The following PMFBP1 variants were observed in gnomAD, a reference collection of about 807,000 sequenced individuals.
The protein encoded by PMFBP1 is polyamine-modulated factor 1-binding protein 1.
A neutral mutation model predicts 137.8 loss-of-function variants in PMFBP1; 131 were observed. The observed-to-expected ratio is 0.95, with a 90% CI of 0.82 to 1.10. The LOEUF is 1.10. PMFBP1 is among the 50% of genes least tolerant of loss of function. PMFBP1 has a pLI of 0.00. For missense variants in PMFBP1, 1,199 were observed against 1,175.4 expected (o/e 1.02, Z -0.29); for synonymous variants, 490 against 450.4 (o/e 1.09, Z -1.11).
chr16:72,227,709 C>T, the PMFBP1 span, among the ~76,000 whole-genome samples: 1 of 152,132 alleles, frequency 6.6e-6, no homozygotes, highest in Non-Finnish European at 1.5e-5. Flanking sequence ...CAATCCCACC[C>T]CTCTAACAGC....
the PMFBP1 span, among the ~76,000 whole-genome samples, chr16:72,223,607 T>C: frequency 1.3e-5 from 2 of 152,186 alleles, no homozygotes; most frequent in African/African-American, 4.8e-5. Flanking sequence ...AGCATGAGAA[T>C]AAAAGACTTC....
the PMFBP1 span, among the ~76,000 whole-genome samples, chr16:72,208,302 A>G: frequency 2.0e-5 from 3 of 152,232 alleles, no homozygotes; most frequent in Non-Finnish European, 4.4e-5. Context: ...ATGCAGGAAG[A>G]CACAGACGAC....
At chr16:72,164,508 G>C in intron 3 of PMFBP1, 1 of 1,419,622 alleles carries the variant, frequency 7.0e-7, no homozygotes, top group South Asian at 1.2e-5. Context: ...GGTGTGAAAG[G>C]CCAGATAAGG....
chr16:72,199,544 CT>C, the PMFBP1 span, among the ~76,000 whole-genome samples: 29 of 151,172 alleles, frequency 1.9e-4, no homozygotes, highest in Admixed American at 1.9e-3. Context: ...GTCCCAGCTA[CT>C]CGGGAGGCTG....
the PMFBP1 span, among the ~76,000 whole-genome samples, chr16:72,231,196 G>T: frequency 6.6e-6 from 1 of 152,182 alleles, no homozygotes. Flanking sequence ...CATGGTCTTT[G>T]TGAACGTGGC....
At chr16:72,215,409 T>C in the PMFBP1 span, among the ~76,000 whole-genome samples, 1 of 150,920 alleles carries the variant, frequency 6.6e-6, no homozygotes, top group Non-Finnish European at 1.5e-5. Flanking sequence ...AGAATAGCCA[T>C]TAGTCTGACA....
rs770160834 is a variant in PMFBP1 at position 72,119,304 on chromosome 16, C to T, written c.*34G>A. On this transcript the variant is annotated 3_prime_UTR_variant, in exon 21 of 21. Transcript: ENST00000237353. ...AACTCACTGTCCTCTGAAGAAACAC[C>T]CGTGGAAATGCTGCTCAGGGCTAGA... is the stretch of plus-strand genomic sequence containing the variant. 6.8e-6 allele frequency: 11 copies of T among 1,606,380 alleles called. No individual in the cohort carries two copies. Among genetic ancestry groups the T allele is most frequent in the Middle Eastern group, 3.3e-4 (2 of 6,050 alleles).
At chr16:72,148,372 G>C (rs1410581304) in intron 5 of PMFBP1, among the ~76,000 whole-genome samples, 1 of 151,618 alleles carries the variant, frequency 6.6e-6, no homozygotes, top group Non-Finnish European at 1.5e-5. Context: ...GCCTGTCGGG[G>C]GGTGGGGGGC....
In PMFBP1 at chr16:72,128,601, G is replaced by C. The variant is rs752287482; in HGVS notation, c.2088+56C>G. 4 of 1,613,600 alleles carry C rather than the reference G, an allele frequency of 2.5e-6. No individual in the cohort carries two copies. In the African/African-American group the frequency reaches 4.0e-5, roughly 16 times the overall value. On this transcript the variant is annotated intron_variant, in intron 14 of 20. Transcript: ENST00000237353. ...GGAGGAGAGGTGGGTACAGATTTCA[G>C]GTCAAGGGTCACAGGGTTCAAATTC...
At chr16:72,227,315 G>C in the PMFBP1 span, among the ~76,000 whole-genome samples, 1 of 152,264 alleles carries the variant, frequency 6.6e-6, no homozygotes, top group African/African-American at 2.4e-5. Flanking sequence ...CTTGAGTCTA[G>C]GGTGAGAATG....
chr16:72,221,889 G>C, the PMFBP1 span, among the ~76,000 whole-genome samples: 3,379 of 152,222 alleles, frequency 0.022, 70 homozygotes, highest in Middle Eastern at 0.051. Flanking sequence ...ATGACCACAT[G>C]TTCCTCTATA....
At chr16:72,223,092 A>T in the PMFBP1 span, among the ~76,000 whole-genome samples, 2 of 152,194 alleles carry the variant, frequency 1.3e-5, no homozygotes, top group African/African-American at 4.8e-5. Context: ...AGTGGGATGC[A>T]GCAGGGCAAG....
At chr16:72,214,921 G>T in the PMFBP1 span, among the ~76,000 whole-genome samples, 1 of 152,134 alleles carries the variant, frequency 6.6e-6, no homozygotes, top group African/African-American at 2.4e-5. Context: ...TCATAAAAAA[G>T]AAAGGCCCAA....
chr16:72,150,654 C>G lies in PMFBP1; in HGVS notation c.590G>C (p.Cys197Ser). 3.7e-6 allele frequency: 6 copies of G among 1,613,968 alleles called. No homozygotes were observed. Among genetic ancestry groups the G allele is most frequent in the Non-Finnish European group, 5.1e-6 (6 of 1,180,012 alleles). ...SSLSNIELLE[C>S]QVKMLQGELG... ...TTCCCCCTGCAACATCTTCACTTGG[C>G]ATTCTAGTAACTCGATGTTGCTCAG... The change falls in exon 5 of 21, where the codon TGC (cysteine) becomes TCC (serine). Residue 197 changes from cysteine to serine, a missense_variant. Physicochemically the swap from Cys to Ser is moderately radical, Grantham distance 112. Transcript: ENST00000237353.
At chr16:72,166,744 G>A (rs2043150731) in intron 2 of PMFBP1, among the ~76,000 whole-genome samples, 1 of 152,152 alleles carries the variant, frequency 6.6e-6, no homozygotes, top group Admixed American at 6.5e-5. Context: ...ATGAAAGCTG[G>A]GCTGTCAAAC....
the PMFBP1 span, among the ~76,000 whole-genome samples, chr16:72,201,331 A>T: frequency 6.6e-6 from 1 of 152,240 alleles, no homozygotes; most frequent in African/African-American, 2.4e-5. Flanking sequence ...TTTAAATTTC[A>T]ATTGGAGTTT....
chr16:72,239,829 T>C, the PMFBP1 span, among the ~76,000 whole-genome samples: 2 of 132,710 alleles, frequency 1.5e-5, no homozygotes, highest in Non-Finnish European at 3.0e-5. Flanking sequence ...GAGGTTGCAG[T>C]GAGCCAAGAT....
chr16:72,121,327 G>T (rs1299354212), intron 19 of PMFBP1, among the ~76,000 whole-genome samples: 1 of 152,190 alleles, frequency 6.6e-6, no homozygotes, highest in Non-Finnish European at 1.5e-5. Context: ...GGTCTCAGCA[G>T]TGCCCTCCTT....
chr16:72,164,465 C>G, intron 3 of PMFBP1: 2 of 1,393,386 alleles, frequency 1.4e-6, no homozygotes, highest in Non-Finnish European at 1.9e-6. Context: ...TCACTATGAT[C>G]TGATATTTTC....
Sources: allele counts gnomAD v4.1 joint callset (sites outside exome capture counted in the v4.1 genomes callset), GRCh38; gene constraint gnomAD v4.1.1; transcripts MANE v1.5; gene names NCBI Gene and HGNC (gene_info 2026-07-23, HGNC 2026-07-21).